Variants in SYTL2 observed in about 807,000 individuals in gnomAD.
SYTL2 encodes the protein synaptotagmin-like protein 2.
SYTL2 carries 165 observed loss-of-function variants against 198.7 expected under a neutral mutation model. That is an observed-to-expected ratio of 0.83 (90% CI 0.73 to 0.94). The LOEUF is 0.94. Ranked by LOEUF, SYTL2 falls within the 40% of genes least tolerant of loss-of-function variation. The pLI is 0.00. For missense variants in SYTL2, 2,835 were observed against 2,582.8 expected (o/e 1.10, Z -2.12); for synonymous variants, 966 against 917.7 (o/e 1.05, Z -0.95).
At chr11:85,714,725 C>T (rs1591668874) in intron 11 of SYTL2, 2 of 1,177,790 alleles carry the variant, frequency 1.7e-6, no homozygotes, top group South Asian at 2.4e-5. Flanking sequence ...GAACCAAATA[C>T]AAAACAAAGT....
chr11:85,757,563 T>C, intron 2 of SYTL2, 62 bp downstream of exon 2: 2 of 1,574,032 alleles, frequency 1.3e-6, no homozygotes, highest in Admixed American at 1.7e-5. Context: ...AACCCCAGTG[T>C]CCTATTTTCG....
At chr11:85,843,048 CTTG>C in the SYTL2 span, among the ~76,000 whole-genome samples, 9 of 152,268 alleles carry the variant, frequency 5.9e-5, no homozygotes, top group East Asian at 1.7e-3. Flanking sequence ...AAACTTGAAG[CTTG>C]TTTAGATCTG....
chr11:85,738,002 G>A (rs988860102), intron 4 of SYTL2, among the ~76,000 whole-genome samples: 3 of 152,334 alleles, frequency 2.0e-5, no homozygotes, highest in South Asian at 2.1e-4. Context: ...AGGCACAGGA[G>A]GTGAAGTTGC....
chr11:85,763,589 T>C (rs567608110), intron 1 of SYTL2, among the ~76,000 whole-genome samples: 3 of 152,146 alleles, frequency 2.0e-5, no homozygotes, highest in African/African-American at 7.2e-5. Context: ...AGTATTGTTG[T>C]ACCAAAGGCA....
rs982507686 is a variant in SYTL2, at chr11:85,731,872, TAAATTTACAAGAAAATTTAC to T, written c.1390+2047_1390+2066del. ...TAATATACAGAATCTACAAGGAACT[TAAATTTACAAGAAAATTTAC>T]AAATTTACAAGAAAAAACAACCCCA... is the stretch of plus-strand genomic sequence containing the variant. On this transcript the variant is annotated intron_variant, in intron 7 of 19. Coordinates refer to ENST00000359152, the MANE Select transcript of SYTL2 (RefSeq NM_206927.4). Among the ~76,000 whole-genome samples, 15 of 152,048 alleles carry T rather than the reference TAAATTTACAAGAAAATTTAC, an allele frequency of 9.9e-5. No homozygotes were observed. In the South Asian group the frequency reaches 3.1e-3, roughly 32 times the overall value.
At chr11:85,754,919 C>G (rs1033510057) in intron 2 of SYTL2, among the ~76,000 whole-genome samples, 1 of 152,152 alleles carries the variant, frequency 6.6e-6, no homozygotes, top group African/African-American at 2.4e-5. Flanking sequence ...CAAGAGATTT[C>G]TCATCATGGC....
In SYTL2 at chr11:85,694,971, A is replaced by C. The variant is rs950078032; in HGVS notation, c.*224T>G. 8.0e-6 allele frequency: 3 copies of C among 372,856 alleles called. No individual in the cohort carries two copies. Among genetic ancestry groups the C allele is most frequent in the Admixed American group, 4.4e-5 (1 of 22,652 alleles). 23.1% of individuals were successfully genotyped at this position (372,856 alleles called of 1,614,324 possible). A position where few individuals can be genotyped will look rare whatever the true frequency, so the allele number is the denominator to read the frequency against. ...AATTCAATTTTCCTAGCTTGTTCAA[A>C]TATCTTATTTAATATTAGAGTCACA... On this transcript the variant is annotated 3_prime_UTR_variant, in exon 20 of 20. Transcript: ENST00000359152.
the SYTL2 span, among the ~76,000 whole-genome samples, chr11:85,826,492 G>A: frequency 6.6e-6 from 1 of 152,332 alleles, no homozygotes; most frequent in Admixed American, 6.5e-5. Context: ...CAGGAGCCTG[G>A]TCTTGAGGCA....
intron 1 of SYTL2, among the ~76,000 whole-genome samples, chr11:85,779,939 T>C (rs1016310038): frequency 6.6e-6 from 1 of 152,220 alleles, no homozygotes; most frequent in East Asian, 1.9e-4. Context: ...TCTCTCTCTC[T>C]TGCTATGTGA....
intron 1 of SYTL2, among the ~76,000 whole-genome samples, chr11:85,760,130 T>A (rs2092054874): frequency 6.6e-6 from 1 of 152,214 alleles, no homozygotes; most frequent in Non-Finnish European, 1.5e-5. Flanking sequence ...TCCTGCCACA[T>A]GCCATGAGAA....
In SYTL2 at chr11:85,757,595, C is replaced by T. The variant is rs2091938400; in HGVS notation, c.101+30G>A. 2.5e-6 allele frequency: 4 copies of T among 1,610,674 alleles called. No homozygotes were observed. The African/African-American group carries it at 4.0e-5, about 16-fold the overall frequency. On this transcript the variant is annotated intron_variant, in intron 2 of 19. Coordinates refer to ENST00000359152, the MANE Select transcript of SYTL2 (RefSeq NM_206927.4). ...TTCGTACAGACTGCCTCTTCCTTCC[C>T]TCATGCCCAAGGCTTCTCTGGCCTC...
chr11:85,789,346 A>ATATATATATATATATATATATATATATG (rs2092689733), intron 1 of SYTL2, among the ~76,000 whole-genome samples: 3 of 21,466 alleles, frequency 1.4e-4, no homozygotes, highest in Non-Finnish European at 3.3e-4. Context: ...GTGTGTATAT[A>ATATATATATATATATATATATATATATG]TATATATATA....
chr11:85,833,011 AAAAGAAAG>A, the SYTL2 span, among the ~76,000 whole-genome samples: 231 of 48,126 alleles, frequency 4.8e-3, 2 homozygotes, highest in African/African-American at 9.1e-3. Flanking sequence ...AAAAAGAAAG[AAAAGAAAG>A]AAAGAAAGAA....
chr11:85,695,524 A>C lies in SYTL2; in HGVS notation c.6575-184T>G, dbSNP rs187549748. Among the ~76,000 whole-genome samples the C allele has an allele frequency of 3.9e-5, 6 of 152,306 alleles. No homozygotes were observed. The East Asian group carries it at 1.2e-3, about 29-fold the overall frequency. On this transcript the variant is annotated intron_variant, in intron 19 of 19. Coordinates refer to ENST00000359152, the MANE Select transcript of SYTL2 (RefSeq NM_206927.4). ...ATTGTCTGAGTGACTTCATGTTTGT[A>C]ATCATTACCATAATTCCTAGAGCAA...
chr11:85,782,934 G>A (rs961868715), intron 1 of SYTL2, among the ~76,000 whole-genome samples: 3 of 152,208 alleles, frequency 2.0e-5, no homozygotes, highest in African/African-American at 7.2e-5. Flanking sequence ...TCTCTAGGAA[G>A]TTCCAAACTT....
At chr11:85,700,453 A>G in intron 17 of SYTL2, 62 bp downstream of exon 17, 1 of 1,360,776 alleles carries the variant, frequency 7.3e-7, no homozygotes, top group Non-Finnish European at 1.1e-6. Flanking sequence ...ACGCATAGTA[A>G]ATACTGTGAG....
At chr11:85,833,352 CGATATATATATGAGATATAT>C in the SYTL2 span, among the ~76,000 whole-genome samples, 1 of 145,278 alleles carries the variant, frequency 6.9e-6, no homozygotes, top group Non-Finnish European at 1.5e-5. Context: ...TATATATACA[CGATATATATATGAGATATAT>C]GATATATCTC....
At chr11:85,849,763 G>A in the SYTL2 span, among the ~76,000 whole-genome samples, 22 of 146,520 alleles carry the variant, frequency 1.5e-4, no homozygotes, top group Admixed American at 4.8e-4. Context: ...TTGACTTGGC[G>A]ATGCGGGCTC....
Position 85,724,696 on chromosome 11 carries a change from G to A in SYTL2, c.4662C>T (p.Ala1554=), listed in dbSNP as rs142328980. 82 of 1,613,898 alleles carry A rather than the reference G, an allele frequency of 5.1e-5. No homozygotes were observed. Among genetic ancestry groups the A allele is most frequent in the African/African-American group, 6.7e-5 (5 of 74,876 alleles). ...CACTCTCAGTTATTAACGGAGCCTC[G>A]GCCTTTTCTACTGTTTCTTTTAATT... ...PEELKETVEK[A]EAPLITESAF... The change falls in exon 8 of 20, where the codon GCC becomes GCT. Residue 1554 remains alanine (A), a synonymous_variant. Coordinates refer to ENST00000359152, the MANE Select transcript of SYTL2 (RefSeq NM_206927.4).
Sources: allele counts gnomAD v4.1 joint callset (sites outside exome capture counted in the v4.1 genomes callset), GRCh38; gene constraint gnomAD v4.1.1; transcripts MANE v1.5; gene names NCBI Gene and HGNC (gene_info 2026-07-23, HGNC 2026-07-21).